RABGAP1L: variants seen among roughly 807,000 people sequenced by gnomAD.
RABGAP1L encodes the protein RAB GTPase activating protein 1 like, also known as rab GTPase-activating protein 1-like.
A neutral mutation model predicts 137.7 loss-of-function variants in RABGAP1L; 63 were observed. The ratio of observed to expected loss-of-function variants is 0.46; its 90% confidence interval spans 0.37 to 0.56. The LOEUF (loss-of-function observed/expected upper bound fraction) is 0.56. Among genes scored for constraint, RABGAP1L ranks in the 20% least tolerant of loss-of-function variants. RABGAP1L has a pLI of 0.00. For synonymous variants in RABGAP1L, 431 were observed against 433.7 expected, an observed-to-expected ratio of 0.99 and a Z score of 0.08; for missense variants, 1,095 against 1,244.0, an observed-to-expected ratio of 0.88 and a Z score of 1.80.
intron 13 of RABGAP1L, among the ~76,000 whole-genome samples, chr1:174,505,234 G>A (rs1318081995): frequency 1.3e-5 from 2 of 152,172 alleles, no homozygotes; most frequent in South Asian, 2.1e-4. Context: ...CTTTCAGATT[G>A]AGAAAAGCTA....
chr1:174,577,244 C>T (rs1234191807), intron 13 of RABGAP1L, among the ~76,000 whole-genome samples: 1 of 148,436 alleles, frequency 6.7e-6, no homozygotes, highest in Non-Finnish European at 1.5e-5. Context: ...CACACACACA[C>T]ACACACACAC....
At chr1:174,165,437 A>G (rs920957759) in intron 1 of RABGAP1L, among the ~76,000 whole-genome samples, 2 of 151,640 alleles carry the variant, frequency 1.3e-5, no homozygotes, top group Non-Finnish European at 2.9e-5. Flanking sequence ...GGCGTGAGCC[A>G]CCGTGCCCGG....
intron 13 of RABGAP1L, among the ~76,000 whole-genome samples, chr1:174,587,180 G>C (rs1330190813): frequency 6.7e-6 from 1 of 150,076 alleles, no homozygotes. Flanking sequence ...CCAAGTCTTT[G>C]CTATTGTGAA....
At chr1:174,801,349 C>A (rs546343797) in intron 18 of RABGAP1L, among the ~76,000 whole-genome samples, 21 of 152,328 alleles carry the variant, frequency 1.4e-4, no homozygotes, top group African/African-American at 4.6e-4. Flanking sequence ...ATATTAGAGT[C>A]TTTTCAGTAC....
chr1:174,491,611 C>T (rs986588432), intron 13 of RABGAP1L, among the ~76,000 whole-genome samples: 1 of 152,188 alleles, frequency 6.6e-6, no homozygotes, highest in Non-Finnish European at 1.5e-5. Context: ...TACATGTCCC[C>T]CCAGTCCACT....
intron 20 of RABGAP1L, among the ~76,000 whole-genome samples, chr1:174,962,216 C>T (rs1669215489): frequency 7.4e-6 from 1 of 135,468 alleles, no homozygotes; most frequent in Admixed American, 8.0e-5. Flanking sequence ...CACACACACA[C>T]ACAGCTAGTT....
chr1:174,434,151 A>ACACACACACACACACACACC (rs1361968902), intron 13 of RABGAP1L, among the ~76,000 whole-genome samples: 466 of 147,542 alleles, frequency 3.2e-3, no homozygotes, highest in Middle Eastern at 0.01. Context: ...ACACACACAC[A>ACACACACACACACACACACC]CCCTGCCTGG....
chr1:174,517,245 T>C lies in RABGAP1L; in HGVS notation c.1711-120130T>C, dbSNP rs1428522190. Among the ~76,000 whole-genome samples the C allele has an allele frequency of 2.0e-5, 3 of 152,214 alleles. No individual in the cohort carries two copies. The East Asian group carries it at 5.8e-4, about 29-fold the overall frequency. ...GTGTTTTTATTACATTGATGAGTTA[T>C]ACATTCATGGGAAGTATTTATTTCA... On this transcript the variant is annotated intron_variant, in intron 13 of 25. Transcript: ENST00000681986.
At chr1:174,430,387 C>T (rs1220936577) in intron 13 of RABGAP1L, among the ~76,000 whole-genome samples, 1 of 151,844 alleles carries the variant, frequency 6.6e-6, no homozygotes, top group Non-Finnish European at 1.5e-5. Flanking sequence ...TTTTCAAAGG[C>T]CTTACCACTT....
At chr1:174,309,702 C>T (rs1448647019) in intron 11 of RABGAP1L, among the ~76,000 whole-genome samples, 1 of 152,100 alleles carries the variant, frequency 6.6e-6, no homozygotes. Flanking sequence ...CTGGATGAAT[C>T]CCACTTGATC....
chr1:174,635,603 C>T (rs920741910), intron 13 of RABGAP1L, among the ~76,000 whole-genome samples: 6 of 151,988 alleles, frequency 3.9e-5, no homozygotes, highest in Non-Finnish European at 5.9e-5. Context: ...TATAAATTTT[C>T]TCTGTATCCT....
intron 13 of RABGAP1L, among the ~76,000 whole-genome samples, chr1:174,538,087 T>G (rs1350699692): frequency 6.6e-6 from 1 of 152,190 alleles, no homozygotes; most frequent in Non-Finnish European, 1.5e-5. Flanking sequence ...CTTTCCAATC[T>G]TAGACCTCAT....
At chr1:174,651,014 C>T (rs915712903) in intron 14 of RABGAP1L, among the ~76,000 whole-genome samples, 25 of 150,292 alleles carry the variant, frequency 1.7e-4, no homozygotes, top group African/African-American at 4.9e-4. Context: ...GAATGTGTCC[C>T]GGAGATTCTG....
chr1:174,527,200 T>C (rs1331294688), intron 13 of RABGAP1L, among the ~76,000 whole-genome samples: 1 of 132,786 alleles, frequency 7.5e-6, no homozygotes, highest in Non-Finnish European at 1.5e-5. Context: ...ATGATTTTTA[T>C]TTTGTTTTTT....
intron 13 of RABGAP1L, among the ~76,000 whole-genome samples, chr1:174,608,007 A>G (rs372319532): frequency 1.2e-4 from 18 of 152,258 alleles, no homozygotes; most frequent in African/African-American, 4.3e-4. Context: ...GAATCATGGC[A>G]TTGATTATGG....
intron 13 of RABGAP1L, among the ~76,000 whole-genome samples, chr1:174,537,235 A>G (rs369196281): frequency 6.6e-6 from 1 of 152,212 alleles, no homozygotes; most frequent in East Asian, 1.9e-4. Flanking sequence ...ATGAGTTGCT[A>G]TGACAGTTCA....
intron 17 of RABGAP1L, among the ~76,000 whole-genome samples, chr1:174,712,748 C>T (rs1168334027): frequency 6.6e-6 from 1 of 152,172 alleles, no homozygotes; most frequent in Admixed American, 6.5e-5. Flanking sequence ...TCTCTCTTAG[C>T]ACCCCGTGGT....
chr1:174,454,630 A>G (rs1022648394), intron 13 of RABGAP1L, among the ~76,000 whole-genome samples: 3 of 148,342 alleles, frequency 2.0e-5, no homozygotes, highest in Non-Finnish European at 4.4e-5. Context: ...TGCTCACTGC[A>G]AGCTCGCCTC....
chr1:174,256,708 G>A (rs1673159817), intron 7 of RABGAP1L, among the ~76,000 whole-genome samples: 1 of 152,184 alleles, frequency 6.6e-6, no homozygotes, highest in Non-Finnish European at 1.5e-5. Context: ...TTGAACCCGG[G>A]AAGTGGTGGT....
Sources: gnomAD v4.1 joint callset for allele counts (sites outside exome capture counted in the v4.1 genomes callset) on GRCh38, gnomAD v4.1.1 for gene constraint, MANE v1.5 for transcripts, NCBI Gene and HGNC (gene_info 2026-07-23, HGNC 2026-07-21) for gene names.